Variants in AKR1B15 observed in about 807,000 individuals in gnomAD.
The protein encoded by AKR1B15 is estradiol 17-beta-dehydrogenase AKR1B15.
Under a neutral mutation model 38.5 loss-of-function variants are expected in AKR1B15, and 49 were observed. The ratio of observed to expected loss-of-function variants is 1.27; its 90% CI spans 1.01 to 1.62. The LOEUF is 1.62. Ranked by LOEUF, AKR1B15 falls within the 40% of genes most tolerant of loss-of-function variation. The probability of loss-of-function intolerance (pLI) is 0.00; values close to 1 mark genes in which losing one functional copy is unlikely to be tolerated. For missense variants in AKR1B15, 411 were observed against 381.6 expected (o/e 1.08, Z -0.64); for synonymous variants, 137 against 135.5 (o/e 1.01, Z -0.08).
intron 3 of AKR1B15, among the ~76,000 whole-genome samples, 192 bp from the exon 4 acceptor site, chr7:134,567,966 C>T (rs17775934): frequency 0.45 from 67,743 of 151,844 alleles, 15,684 homozygotes; most frequent in African/African-American, 0.54. Context: ...GAAACTGGAC[C>T]GTGTGGGGCA....
chr7:134,558,526 G>C (rs1316933446), intron 2 of AKR1B15, among the ~76,000 whole-genome samples: 1 of 152,122 alleles, frequency 6.6e-6, no homozygotes, highest in Non-Finnish European at 1.5e-5. Flanking sequence ...TATACATTGG[G>C]AATACCATAC....
intron 2 of AKR1B15, among the ~76,000 whole-genome samples, chr7:134,558,151 T>C (rs1251385307): frequency 6.6e-6 from 1 of 152,102 alleles, no homozygotes; most frequent in African/African-American, 2.4e-5. Context: ...GGTTTATGGG[T>C]GTATAAGAAT....
chr7:134,562,453 G>C (rs1465199194), intron 2 of AKR1B15, among the ~76,000 whole-genome samples: 1 of 151,746 alleles, frequency 6.6e-6, no homozygotes, highest in African/African-American at 2.4e-5. Flanking sequence ...GTGCTGATTG[G>C]TCTATTTTAC....
chr7:134,566,823 C>G (rs1219911928), intron 3 of AKR1B15, among the ~76,000 whole-genome samples: 1 of 152,190 alleles, frequency 6.6e-6, no homozygotes, highest in East Asian at 1.9e-4. Flanking sequence ...GAACAGATCA[C>G]TTCCAGCTCG....
chr7:134,575,039 T>A (rs1320630957), intron 6 of AKR1B15, among the ~76,000 whole-genome samples: 4 of 152,254 alleles, frequency 2.6e-5, no homozygotes, highest in African/African-American at 7.2e-5. Context: ...CTGCTATCAT[T>A]TGGATTCATT....
chr7:134,564,579 T>C lies in AKR1B15; in HGVS notation c.-22-19T>C. 2.9e-6 allele frequency: 2 copies of C among 684,014 alleles called. No homozygotes were observed. Among genetic ancestry groups the C allele is most frequent in the Non-Finnish European group, 5.3e-6 (2 of 376,504 alleles). 42.4% of individuals were successfully genotyped at this position (684,014 alleles called of 1,614,324 possible). A position where few individuals can be genotyped will look rare whatever the true frequency, so the allele number is the denominator to read the frequency against. ...GGGCCCTGTATTTTTAACCTCCTTGTCAAATTTGTTTCCTCTAGGATCGAG... is the reference window on the plus strand; with the variant it reads ...GGGCCCTGTATTTTTAACCTCCTTGCCAAATTTGTTTCCTCTAGGATCGAG... On this transcript the variant is annotated intron_variant, in intron 2 of 11. Coordinates refer to ENST00000457545, the MANE Select transcript of AKR1B15 (RefSeq NM_001080538.3).
At chr7:134,574,561 T>C (rs1456336233) in intron 6 of AKR1B15, among the ~76,000 whole-genome samples, 2 of 152,190 alleles carry the variant, frequency 1.3e-5, no homozygotes, top group African/African-American at 4.8e-5. Context: ...GCACTTTAAT[T>C]GGACTGTAAG....
At chr7:134,579,481 C>G (rs74848811) in intron 11 of AKR1B15, 26 bp from the exon 12 acceptor site, 91 of 1,336,890 alleles carry the variant, frequency 6.8e-5, no homozygotes, top group Non-Finnish European at 7.9e-5. Flanking sequence ...AACACAGTTT[C>G]TTTTTTTTTT....
chr7:134,568,694 T>C (rs1380733978), intron 4 of AKR1B15, among the ~76,000 whole-genome samples: 3 of 152,178 alleles, frequency 2.0e-5, no homozygotes, highest in African/African-American at 7.2e-5. Context: ...CCCCTGAGGT[T>C]CTCAGCCAGG....
At chr7:134,565,546 G>T in intron 3 of AKR1B15, 1 of 1,613,782 alleles carries the variant, frequency 6.2e-7, no homozygotes. Flanking sequence ...GCACTTGGAG[G>T]GTAAATATGC....
intron 3 of AKR1B15, among the ~76,000 whole-genome samples, chr7:134,566,223 A>G (rs943832191): frequency 2.0e-4 from 31 of 152,220 alleles, no homozygotes; most frequent in East Asian, 1.9e-4. Flanking sequence ...TGAGCCTGAG[A>G]GGTCAAGGCT....
intron 6 of AKR1B15, chr7:134,573,594 T>C: frequency 5.2e-6 from 5 of 966,380 alleles, no homozygotes; most frequent in Non-Finnish European, 6.2e-6. Context: ...CCTCATTGAC[T>C]ACCCTGAAGC....
At chr7:134,568,875 A>AAC (rs397696304) in intron 4 of AKR1B15, among the ~76,000 whole-genome samples, 2 of 150,970 alleles carry the variant, frequency 1.3e-5, no homozygotes, top group East Asian at 3.9e-4. Context: ...GAAAAAAAAA[A>AAC]CAAAACACTA....
chr7:134,554,522 A>AT (rs1794120359), intron 1 of AKR1B15, among the ~76,000 whole-genome samples: 1 of 152,096 alleles, frequency 6.6e-6, no homozygotes, highest in Non-Finnish European at 1.5e-5. Context: ...CCATTTCAAG[A>AT]TCCCCCACCT....
chr7:134,568,529 G>A (rs538577242), intron 4 of AKR1B15, among the ~76,000 whole-genome samples: 7 of 152,282 alleles, frequency 4.6e-5, no homozygotes, highest in South Asian at 2.1e-4. Context: ...ACCTGCCTGC[G>A]GGTTGGATTT....
At chr7:134,558,028 A>G (rs537498568) in intron 2 of AKR1B15, among the ~76,000 whole-genome samples, 3 of 152,304 alleles carry the variant, frequency 2.0e-5, no homozygotes, top group Admixed American at 6.5e-5. Context: ...TAGGAAATGG[A>G]TATTATCAGA....
intron 1 of AKR1B15, among the ~76,000 whole-genome samples, chr7:134,555,605 T>C (rs1053380671): frequency 1.3e-5 from 2 of 152,140 alleles, no homozygotes; most frequent in Non-Finnish European, 2.9e-5. Context: ...GGATGTGTGT[T>C]TGCAAACACC....
In AKR1B15 at chr7:134,550,069, C is replaced by A. The variant is rs751745938; in HGVS notation, c.-147+820C>A. Among the ~76,000 whole-genome samples the A allele has an allele frequency of 2.6e-5, 4 of 152,276 alleles. No individual in the cohort carries two copies. In the South Asian group the frequency reaches 6.2e-4, roughly 24 times the overall value. Reference sequence around the variant, plus strand: ...TGGATTGCCATACCCCACGCCCCAACGACTGGTCCACCTTCTCCTTAGACC... The same window carrying A: ...TGGATTGCCATACCCCACGCCCCAAAGACTGGTCCACCTTCTCCTTAGACC... On this transcript the variant is annotated intron_variant, in intron 1 of 11. Transcript: ENST00000457545.
chr7:134,549,662 T>C (rs1013411287), intron 1 of AKR1B15, among the ~76,000 whole-genome samples: 1 of 152,072 alleles, frequency 6.6e-6, no homozygotes, highest in Admixed American at 6.5e-5. Context: ...AGCCTGCCAA[T>C]GCCAAGAGGA....
Sources: gnomAD v4.1 joint callset for allele counts (sites outside exome capture counted in the v4.1 genomes callset) on GRCh38, gnomAD v4.1.1 for gene constraint, MANE v1.5 for transcripts, NCBI Gene and HGNC (gene_info 2026-07-23, HGNC 2026-07-21) for gene names.